ZNF334: variants seen among roughly 807,000 people sequenced by gnomAD.
ZNF334 encodes zinc finger protein 334.
A neutral mutation model predicts 12.4 loss-of-function variants in ZNF334; 14 were observed. The observed-to-expected ratio is 1.13, with a 90% CI of 0.74 to 1.76. ZNF334 has a LOEUF of 1.76. Among genes scored for constraint, ZNF334 ranks in the 40% most tolerant of loss-of-function variants. The pLI, the probability that ZNF334 is intolerant of heterozygous loss-of-function variation, is 0.00. For synonymous variants in ZNF334, 273 were observed against 269.6 expected, an observed-to-expected ratio of 1.01 and a Z score of -0.12; for missense variants, 797 against 804.5, an observed-to-expected ratio of 0.99 and a Z score of 0.11.
rs748807077 is a variant in ZNF334, at chr20:46,501,587, C to T, written c.1752G>A (p.Lys584=). The change falls in exon 5 of 5, where the codon AAG becomes AAA. Residue 584 remains lysine, a synonymous_variant. Coordinates refer to ENST00000692313, the MANE Select transcript of ZNF334 (RefSeq NM_001353824.2). ...CNECGKTFCQ[K]FSFVEHQRTH... Reference sequence around the variant, plus strand: ...TTCGCTGATGTTCAACAAAGGAGAACTTCTGACAGAAGGTTTTCCCACATT... The same window carrying T: ...TTCGCTGATGTTCAACAAAGGAGAATTTCTGACAGAAGGTTTTCCCACATT... 3 of 1,613,952 alleles carry T rather than the reference C, an allele frequency of 1.9e-6. No individual in the cohort carries two copies. The highest frequency in any genetic ancestry group is 1.3e-5 in the African/African-American group (1 of 74,876).
the ZNF334 span, chr20:46,491,907 ATGAATGTGG>A: frequency 6.5e-6 from 1 of 154,886 alleles, no homozygotes; most frequent in Non-Finnish European, 1.5e-5. Flanking sequence ...GAGAAACCCT[ATGAATGTGG>A]TGAATGTGGA....
chr20:46,466,817 T>G, the ZNF334 span, among the ~76,000 whole-genome samples: 5 of 152,190 alleles, frequency 3.3e-5, no homozygotes, highest in African/African-American at 7.2e-5. Flanking sequence ...CTTTTTGGCC[T>G]TTATATAAAG....
At position 46,499,925 on chromosome 20, in the gene ZNF334, C is replaced by G. The variant is rs1358900136; in HGVS notation, c.*1371G>C. The G allele has an allele frequency of 6.6e-6, 1 of 152,128 alleles. No homozygotes were observed. The highest frequency in any genetic ancestry group is 2.4e-5 in the African/African-American group (1 of 41,424). 9.4% of individuals were successfully genotyped at this position (152,128 alleles called of 1,614,324 possible). On this transcript the variant is annotated 3_prime_UTR_variant, in exon 5 of 5. Transcript: ENST00000692313. ...GGGCCCCAAATAAATAGCACAATTT[C>G]CCCCCATCTAAACGATAAAAAATTA...
chr20:46,489,776 G>A, the ZNF334 span, among the ~76,000 whole-genome samples: 1 of 151,274 alleles, frequency 6.6e-6, no homozygotes, highest in Non-Finnish European at 1.5e-5. Context: ...TATTACTCAT[G>A]TATATTTATA....
the ZNF334 span, among the ~76,000 whole-genome samples, chr20:46,468,259 G>A: frequency 5.3e-5 from 8 of 151,266 alleles, no homozygotes; most frequent in Non-Finnish European, 1.0e-4. Context: ...GGACACTTCC[G>A]CAGTTGTGTT....
At position 46,504,261 on chromosome 20, in the gene ZNF334, C is replaced by T; in HGVS notation, c.194G>A (p.Gly65Glu). ...KPDVIFKLEQGEEPWIVEEFS... is the reference protein window; with the variant it reads ...KPDVIFKLEQEEEPWIVEEFS... ...TTCCTCCACTATCCATGGCTCTTCT[C>T]CTTGCTCCAATTTGAAAATCACATC... Residue 65 changes from glycine (G) to glutamate (E), a missense_variant, in exon 4 of 5, where the codon GGA becomes GAA. Transcript: ENST00000692313. 1.9e-6 allele frequency: 3 copies of T among 1,613,904 alleles called. No homozygotes were observed. The highest frequency in any genetic ancestry group is 2.5e-6 in the Non-Finnish European group (3 of 1,179,884).
the ZNF334 span, chr20:46,491,278 C>T: frequency 6.5e-6 from 1 of 152,706 alleles, no homozygotes; most frequent in Non-Finnish European, 1.5e-5. Context: ...ACAGAGTAAA[C>T]CTGACTCGGC....
intron 2 of ZNF334, among the ~76,000 whole-genome samples, chr20:46,507,422 A>C (rs2061475707): frequency 6.6e-6 from 1 of 152,194 alleles, no homozygotes; most frequent in South Asian, 2.1e-4. Flanking sequence ...CCTTGAACTG[A>C]AAAAGGATAT....
In ZNF334 at chr20:46,512,714, A is replaced by G. The variant is rs958958504; in HGVS notation, c.-213T>C. The stretch of plus-strand genomic sequence containing the variant: ...GTAGGTAACGTAAATGTGGTAGATG[A>G]CAAAAGCCCTGACCTGGTACTCAAA... On this transcript the variant is annotated 5_prime_UTR_variant, in exon 1 of 5. Transcript: ENST00000692313. 3 of 152,288 alleles carry G rather than the reference A, an allele frequency of 2.0e-5. No individual in the cohort carries two copies. The highest frequency in any genetic ancestry group is 7.2e-5 in the African/African-American group (3 of 41,466). The allele number at this position is 152,288 out of a possible 1,614,324, so 9.4% of individuals were successfully genotyped here.
At chr20:46,497,314 C>T (rs1454936666), downstream of ZNF334, among the ~76,000 whole-genome samples, 8 of 152,286 alleles carry the variant, frequency 5.3e-5, no homozygotes, top group Non-Finnish European at 4.4e-5. Flanking sequence ...GGTCTAGATA[C>T]GATGGAACAA....
At chr20:46,497,728 A>G (rs1273055634), downstream of ZNF334, among the ~76,000 whole-genome samples, 1 of 152,278 alleles carries the variant, frequency 6.6e-6, no homozygotes, top group Admixed American at 6.5e-5. Context: ...TAAATGTGTC[A>G]TATCAATAAC....
rs2061143208 is a variant in ZNF334, at chr20:46,501,150, G to A, written c.*146C>T. 3 of 855,412 alleles carry A rather than the reference G, an allele frequency of 3.5e-6. No individual in the cohort carries two copies. The South Asian group carries it at 6.5e-5, about 18-fold the overall frequency. The allele number at this position is 855,412 out of a possible 1,614,324, so 53.0% of individuals were successfully genotyped here. On this transcript the variant is annotated 3_prime_UTR_variant, in exon 5 of 5. Transcript: ENST00000692313. The stretch of plus-strand genomic sequence containing the variant: ...TTCTTTCCTACATGATTTCTCTGAT[G>A]TTACATTGAGGGTTGACTTATGGCA...
the ZNF334 span, among the ~76,000 whole-genome samples, chr20:46,472,263 C>T: frequency 6.6e-6 from 1 of 152,158 alleles, no homozygotes; most frequent in African/African-American, 2.4e-5. Flanking sequence ...CTGTTCTAGA[C>T]CCTGAGGAGA....
At chr20:46,467,222 C>T in the ZNF334 span, among the ~76,000 whole-genome samples, 1 of 152,122 alleles carries the variant, frequency 6.6e-6, no homozygotes, top group Admixed American at 6.5e-5. Flanking sequence ...TAGGGATATT[C>T]TAAATGATAT....
rs1248553997 is a variant in ZNF334, at chr20:46,501,354, T to C, written c.1985A>G (p.Glu662Gly). ...GTTTGATTTGTGGCGAAATGTTTTC[T>C]CACATTTGTTACATTCATAAGGTTT... The part of the protein sequence containing the change: ...GEKPYECNKC[E>G]KTFRHKSNFL... Residue 662 changes from glutamate (E) to glycine (G), a missense_variant, in exon 5 of 5, where the codon GAG (glutamate) becomes GGG (glycine). Physicochemically the swap from Glu to Gly is moderately conservative, Grantham distance 98. Coordinates refer to ENST00000692313, the MANE Select transcript of ZNF334 (RefSeq NM_001353824.2). The C allele has an allele frequency of 6.2e-7, 1 of 1,613,240 alleles. No individual in the cohort carries two copies. Among genetic ancestry groups the C allele is most frequent in the Non-Finnish European group, 8.5e-7 (1 of 1,179,460 alleles).
rs917361039 is a variant in ZNF334, at chr20:46,502,043, G to A, written c.1296C>T (p.Pro432=). Residue 432 remains proline, a synonymous_variant, in exon 5 of 5, where the codon CCC becomes CCT. Transcript: ENST00000692313. ...ATTTTCCACATTGACTGCATTCATA[G>A]GGCTTCTCTCCTGTATGACTTCTTC... ...VHRRSHTGEK[P]YECSQCGKFL... 1.5e-5 allele frequency: 25 copies of A among 1,613,970 alleles called. No individual in the cohort carries two copies. Among genetic ancestry groups the A allele is most frequent in the Non-Finnish European group, 1.9e-5 (23 of 1,180,024 alleles).
chr20:46,480,208 A>G, the ZNF334 span, among the ~76,000 whole-genome samples: 1 of 152,152 alleles, frequency 6.6e-6, no homozygotes, highest in Non-Finnish European at 1.5e-5. Flanking sequence ...CACAATTATT[A>G]ATCACACATT....
At chr20:46,462,541 T>G in the ZNF334 span, among the ~76,000 whole-genome samples, 230 of 152,320 alleles carry the variant, frequency 1.5e-3, 2 homozygotes, top group East Asian at 0.027. Flanking sequence ...CCTCGAATGG[T>G]GACAAAGGTT....
At chr20:46,497,842 A>G (rs2061049065), downstream of ZNF334, among the ~76,000 whole-genome samples, 1 of 152,218 alleles carries the variant, frequency 6.6e-6, no homozygotes, top group South Asian at 2.1e-4. Flanking sequence ...TGTCACATCA[A>G]CCCATATGTG....
Sources: gnomAD v4.1 joint callset for allele counts (sites outside exome capture counted in the v4.1 genomes callset) on GRCh38, gnomAD v4.1.1 for gene constraint, MANE v1.5 for transcripts, NCBI Gene and HGNC (gene_info 2026-07-23, HGNC 2026-07-21) for gene names.